ROBO2: variants seen among roughly 807,000 people sequenced by gnomAD.
ROBO2 encodes roundabout guidance receptor 2.
A neutral mutation model predicts 160.8 loss-of-function variants in ROBO2; 53 were observed. The ratio of observed to expected loss-of-function variants is 0.33; its 90% CI spans 0.26 to 0.41. ROBO2 has a LOEUF of 0.41. Among genes scored for constraint, ROBO2 ranks in the 10% least tolerant of loss-of-function variants. ROBO2 has a pLI of 1.00. For synonymous variants in ROBO2, 664 were observed against 611.7 expected (o/e 1.09, Z -1.26); for missense variants, 1,577 against 1,722.4 (o/e 0.92, Z 1.49).
intron 2 of ROBO2, among the ~76,000 whole-genome samples, chr3:76,313,117 A>T (rs1403488166): frequency 6.6e-6 from 1 of 152,242 alleles, no homozygotes; most frequent in Non-Finnish European, 1.5e-5. Flanking sequence ...CATATTGTTA[A>T]AAGAATTCTG....
rs184311970 is a variant in ROBO2 at position 76,077,422 on chromosome 3, G to T, written c.109+139820G>T. On this transcript the variant is annotated intron_variant, in intron 2 of 26. Transcript: ENST00000487694. ...TACTAAAAATACAAAAATTAGCCGT[G>T]TGTGGTGGCAGGCACCTGTAGTCCC... is the stretch of plus-strand genomic sequence containing the variant. Among the ~76,000 whole-genome samples, 1,036 of 152,196 alleles carry T rather than the reference G, an allele frequency of 6.8e-3. 12 individuals are homozygous for T. The highest frequency in any genetic ancestry group is 0.044 in the Middle Eastern group (13 of 294).
intron 2 of ROBO2, among the ~76,000 whole-genome samples, chr3:76,312,474 A>G (rs556273405): frequency 1.1e-4 from 17 of 152,332 alleles, no homozygotes; most frequent in African/African-American, 4.1e-4. Context: ...TCTTCTGCCT[A>G]CTGTACCTTT....
chr3:77,021,331 T>C (rs2062622735), intron 2 of ROBO2, among the ~76,000 whole-genome samples: 1 of 152,162 alleles, frequency 6.6e-6, no homozygotes, highest in Non-Finnish European at 1.5e-5. Flanking sequence ...TACCCTCCTG[T>C]CTCTTGCCCC....
At chr3:77,646,429 T>A in exon 26 of ROBO2, 1 of 186,320 alleles carries the variant, frequency 5.4e-6, no homozygotes, top group East Asian at 1.3e-4. Flanking sequence ...ATATGTGAAT[T>A]AATAGGCTGT....
At chr3:77,552,696 G>A (rs1462516054) in intron 8 of ROBO2, among the ~76,000 whole-genome samples, 1 of 151,956 alleles carries the variant, frequency 6.6e-6, no homozygotes, top group African/African-American at 2.4e-5. Context: ...AGATCCTTTT[G>A]CAGAGACATT....
intron 2 of ROBO2, among the ~76,000 whole-genome samples, chr3:76,329,614 C>A (rs938012752): frequency 2.0e-5 from 3 of 152,256 alleles, no homozygotes; most frequent in Non-Finnish European, 2.9e-5. Flanking sequence ...ACTTGACTGT[C>A]TGACCTGGTG....
exon 1 of ROBO2, chr3:77,040,733 T>C: frequency 6.8e-6 from 11 of 1,613,608 alleles, no homozygotes; most frequent in South Asian, 1.1e-5. Context: ...TTTGTACTTT[T>C]GCTCTCTGGG....
intron 2 of ROBO2, among the ~76,000 whole-genome samples, chr3:77,210,420 A>T (rs62251848): frequency 0.028 from 4,234 of 152,230 alleles, 67 homozygotes; most frequent in Middle Eastern, 0.054. Context: ...TAATAATATA[A>T]TATTGTTAAA....
At chr3:76,507,172 G>C (rs987573925) in intron 2 of ROBO2, among the ~76,000 whole-genome samples, 2 of 151,752 alleles carry the variant, frequency 1.3e-5, no homozygotes, top group African/African-American at 2.4e-5. Context: ...ATAAATTAAA[G>C]GTACTTAAAT....
intron 2 of ROBO2, among the ~76,000 whole-genome samples, chr3:76,673,470 G>A (rs2092323741): frequency 6.6e-6 from 1 of 152,134 alleles, no homozygotes; most frequent in Admixed American, 6.6e-5. Context: ...TTACTGGCAA[G>A]GAAAGGCAGG....
chr3:76,813,125 A>G (rs1315110269), intron 2 of ROBO2, among the ~76,000 whole-genome samples: 1 of 152,082 alleles, frequency 6.6e-6, no homozygotes, highest in African/African-American at 2.4e-5. Flanking sequence ...TCTTTTAAGT[A>G]CAGTCATAGC....
At chr3:77,603,306 A>G (rs1293293283) in intron 20 of ROBO2, among the ~76,000 whole-genome samples, 1 of 152,212 alleles carries the variant, frequency 6.6e-6, no homozygotes, top group Non-Finnish European at 1.5e-5. Context: ...TCTACTAAAT[A>G]CTATTCATTA....
chr3:77,525,397 G>A (rs905065746), intron 6 of ROBO2, among the ~76,000 whole-genome samples: 1 of 142,382 alleles, frequency 7.0e-6, no homozygotes, highest in African/African-American at 2.6e-5. Flanking sequence ...GATCTACTCA[G>A]TTATTTCCCA....
intron 2 of ROBO2, among the ~76,000 whole-genome samples, chr3:76,152,994 T>C (rs970042439): frequency 9.2e-5 from 14 of 152,156 alleles, no homozygotes; most frequent in African/African-American, 3.4e-4. Flanking sequence ...CATATCAGTC[T>C]TTGGCCAGTG....
At chr3:76,309,295 G>A (rs1031576411) in intron 2 of ROBO2, among the ~76,000 whole-genome samples, 19 of 152,206 alleles carry the variant, frequency 1.2e-4, no homozygotes, top group Non-Finnish European at 2.5e-4. Context: ...CCATTTTTAA[G>A]TATGCAAAGA....
chr3:77,564,717 C>A (rs1276865205), intron 11 of ROBO2: 1 of 597,564 alleles, frequency 1.7e-6, no homozygotes. Flanking sequence ...GCTGTCACAT[C>A]TCCTGGGCTG....
chr3:77,397,734 C>T (rs1034414560), intron 2 of ROBO2, among the ~76,000 whole-genome samples: 1 of 151,986 alleles, frequency 6.6e-6, no homozygotes, highest in African/African-American at 2.4e-5. Flanking sequence ...GTATAAATTG[C>T]ATTTATCTTT....
intron 2 of ROBO2, among the ~76,000 whole-genome samples, chr3:77,009,454 T>C (rs901513636): frequency 1.3e-5 from 2 of 152,176 alleles, no homozygotes; most frequent in Non-Finnish European, 2.9e-5. Context: ...TTTTTTATAA[T>C]TGGCATTTCT....
chr3:76,152,417 T>C (rs2072247165), intron 2 of ROBO2, among the ~76,000 whole-genome samples: 1 of 152,160 alleles, frequency 6.6e-6, no homozygotes, highest in South Asian at 2.1e-4. Context: ...GAACACAACA[T>C]TAAATGGAAT....
Sources: gnomAD v4.1 joint callset for allele counts (sites outside exome capture counted in the v4.1 genomes callset) on GRCh38, gnomAD v4.1.1 for gene constraint, MANE v1.5 for transcripts, NCBI Gene and HGNC (gene_info 2026-07-23, HGNC 2026-07-21) for gene names.